Variants in MYO1C observed in about 807,000 individuals in gnomAD.
MYO1C encodes unconventional myosin-Ic.
In MYO1C, 104 loss-of-function variants were observed where a neutral mutation model predicts 150.8. The ratio of observed to expected loss-of-function variants is 0.69; its 90% CI spans 0.59 to 0.81. MYO1C has a LOEUF of 0.81. MYO1C is among the 30% of genes least tolerant of loss of function. MYO1C has a pLI of 0.00. For missense variants in MYO1C, 1,504 were observed against 1,435.0 expected (o/e 1.05, Z -0.78); for synonymous variants, 663 against 579.9 (o/e 1.14, Z -2.06).
intron 14 of MYO1C, chr17:1,477,268 C>A: frequency 2.0e-6 from 1 of 510,102 alleles, no homozygotes; most frequent in Non-Finnish European, 3.6e-6. Context: ...AACCTCAAAA[C>A]TCCAGGGCTC....
intron 1 of MYO1C, 156 bp from the exon 2 acceptor site, chr17:1,484,459 GAGGGCCTGGGTGT>G: frequency 2.2e-6 from 1 of 450,370 alleles, no homozygotes; most frequent in Non-Finnish European, 3.6e-6. Flanking sequence ...CCTGGGTGCT[GAGGGCCTGGGTGT>G]GGTGGGCCGG....
intron 31 of MYO1C, among the ~76,000 whole-genome samples, chr17:1,466,720 G>A (rs1427806556): frequency 6.6e-6 from 1 of 151,628 alleles, no homozygotes; most frequent in Non-Finnish European, 1.5e-5. Flanking sequence ...CCACCTCCTG[G>A]GTTCAAGCAA....
Position 1,479,544 on chromosome 17 carries a change from G to GCC in MYO1C, c.1021-44_1021-43dup. 2 of 1,175,170 alleles carry GCC rather than the reference G, an allele frequency of 1.7e-6. No individual in the cohort carries two copies. Among genetic ancestry groups the GCC allele is most frequent in the Non-Finnish European group, 2.5e-6 (2 of 804,194 alleles). 72.8% of individuals were successfully genotyped at this position (1,175,170 alleles called of 1,614,324 possible). A position where few individuals can be genotyped will look rare whatever the true frequency, so the allele number is the denominator to read the frequency against. The stretch of plus-strand genomic sequence containing the variant: ...AGGACACGGTGAGGGTGCACCCCCA[G>GCC]CCCCCGCCCCCGCCGTCCTCCCGTC... On this transcript the variant is annotated intron_variant, in intron 8 of 31. Coordinates refer to ENST00000648651, the MANE Select transcript of MYO1C (RefSeq NM_001080779.2). The surrounding 1 kb of genome is among the most constrained non-coding windows in gnomAD (Gnocchi z 4.2).
chr17:1,469,662 C>A, intron 24 of MYO1C, 48 bp from the exon 25 acceptor site: 1 of 1,443,472 alleles, frequency 6.9e-7, no homozygotes, highest in Non-Finnish European at 9.6e-7. Flanking sequence ...TGGGCCCTTC[C>A]CTCTGAAGAC....
rs762375797 is a variant in MYO1C, at chr17:1,467,521, G to A, written c.3024C>T (p.Leu1008=). 5 of 1,613,580 alleles carry A rather than the reference G, an allele frequency of 3.1e-6. No homozygotes were observed. Among genetic ancestry groups the A allele is most frequent in the Non-Finnish European group, 4.2e-6 (5 of 1,179,958 alleles). ...TGATGCTGTTCACGCGGTTGGCACT[G>A]AGGGCTGTCTTGGTCAGCGTCTCAA... The part of the protein sequence containing the change: ...HVIETLTKTA[L]SANRVNSINI... The change falls in exon 30 of 32, where the codon CTC becomes CTT. Residue 1008 remains leucine (L), a synonymous_variant. Transcript: ENST00000648651.
At chr17:1,475,743 C>T (rs1050771488) in intron 14 of MYO1C, among the ~76,000 whole-genome samples, 15 of 152,282 alleles carry the variant, frequency 9.9e-5, no homozygotes, top group Admixed American at 4.6e-4. Context: ...ACCAGAGACA[C>T]GGACAAAGAT....
At chr17:1,482,597 TC>T (rs1475558944) in intron 4 of MYO1C, 39 bp from the exon 5 acceptor site, 1 of 1,556,696 alleles carries the variant, frequency 6.4e-7, no homozygotes, top group Non-Finnish European at 8.8e-7. Context: ...CCTGGCACTC[TC>T]CCCCTGCCCT....
rs549141730 is a variant in MYO1C at position 1,478,072 on chromosome 17, C to T, written c.1401+15G>A. On this transcript the variant is annotated intron_variant, in intron 12 of 31. Transcript: ENST00000648651. The surrounding 1 kb of genome is among the most constrained non-coding windows in gnomAD (Gnocchi z 6.3). ...CCCCGTGGCCCACGGAGAGTGCCCC[C>T]AGGCTAGCACACACCGCGATGCCCT... The T allele has an allele frequency of 1.7e-5, 27 of 1,613,802 alleles. No individual in the cohort carries two copies. The highest frequency in any genetic ancestry group is 2.2e-5 in the Non-Finnish European group (26 of 1,179,894).
At chr17:1,465,860 T>A (rs1278659920) in intron 31 of MYO1C, 108 bp from the exon 32 acceptor site, 2 of 780,002 alleles carry the variant, frequency 2.6e-6, no homozygotes, top group Non-Finnish European at 3.6e-6. Flanking sequence ...GAGAATGGGG[T>A]CTCGCTATAT....
At position 1,478,408 on chromosome 17, in the gene MYO1C, A is replaced by C. The variant is rs1006395619; in HGVS notation, c.1295+2T>G. 1.9e-6 allele frequency: 3 copies of C among 1,614,108 alleles called. No individual in the cohort carries two copies. Among genetic ancestry groups the C allele is most frequent in the Non-Finnish European group, 2.5e-6 (3 of 1,180,006 alleles). On this transcript the variant is annotated splice_donor_variant, in intron 11 of 31. Coordinates refer to ENST00000648651, the MANE Select transcript of MYO1C (RefSeq NM_001080779.2). LOFTEE classifies it high-confidence loss of function. The surrounding 1 kb of genome is among the most constrained non-coding windows in gnomAD (Gnocchi z 6.3). ...GAGAGACGGGGGAAAGATGGCACCGACCTGTTATGCTGAAACACTTCAAAG... is the reference window on the plus strand; with the variant it reads ...GAGAGACGGGGGAAAGATGGCACCGCCCTGTTATGCTGAAACACTTCAAAG...
chr17:1,469,801 A>T (rs113632315), intron 24 of MYO1C, among the ~76,000 whole-genome samples, 187 bp from the exon 25 acceptor site: 1,623 of 151,304 alleles, frequency 0.011, 36 homozygotes, highest in African/African-American at 0.038. Context: ...TTGGGAGGCC[A>T]AGGTGGGTGG....
Position 1,484,247 on chromosome 17 carries a change from G to C in MYO1C, c.132C>G (p.Asp44Glu). ...GCACGAAATCCTGCACCCCCACCCGGTCACGGGCGGTGAGCGCACTCTCCA... is the reference window on the plus strand; with the variant it reads ...GCACGAAATCCTGCACCCCCACCCGCTCACGGGCGGTGAGCGCACTCTCCA... ...VTMESALTAR[D>E]RVGVQDFVLL... The change falls in exon 2 of 32, where the codon GAC (aspartate) becomes GAG (glutamate). Residue 44 changes from aspartate to glutamate, a missense_variant. Transcript: ENST00000648651. 1 of 1,612,526 alleles carries C rather than the reference G, an allele frequency of 6.2e-7. No homozygotes were observed. Among genetic ancestry groups the C allele is most frequent in the Non-Finnish European group, 8.5e-7 (1 of 1,180,010 alleles).
Position 1,479,555 on chromosome 17 carries a change from CGCCGTCCT to C in MYO1C, c.1020+29_1020+36del. 4.7e-5 allele frequency: 67 copies of C among 1,427,900 alleles called. No individual in the cohort carries two copies. The highest frequency in any genetic ancestry group is 5.9e-5 in the Non-Finnish European group (61 of 1,025,456). The allele number at this position is 1,427,900 out of a possible 1,614,324, so 88.5% of individuals were successfully genotyped here. On this transcript the variant is annotated intron_variant, in intron 8 of 31. Coordinates refer to ENST00000648651, the MANE Select transcript of MYO1C (RefSeq NM_001080779.2). This position sits in a 1 kb window ranked among gnomAD's most constrained non-coding sequence, Gnocchi z 4.2. Reference sequence around the variant, plus strand: ...AGGGTGCACCCCCAGCCCCCGCCCCCGCCGTCCTCCCGTCGCCCTCTGCCCGCCCCACT... The same window carrying C: ...AGGGTGCACCCCCAGCCCCCGCCCCCCCCGTCGCCCTCTGCCCGCCCCACT...
In MYO1C at chr17:1,482,914, C is replaced by CG; in HGVS notation, c.492dup (p.Glu165ArgfsTer30). 6.2e-7 allele frequency: 1 copy of CG among 1,611,246 alleles called. No individual in the cohort carries two copies. Among genetic ancestry groups the CG allele is most frequent in the South Asian group, 1.1e-5 (1 of 90,996 alleles). On this transcript the variant is annotated frameshift_variant, in exon 4 of 32. Coordinates refer to ENST00000648651, the MANE Select transcript of MYO1C (RefSeq NM_001080779.2). LOFTEE classifies it high-confidence loss of function. ...CGGTCCCGCACGGCACCTCCGCGCT[C>CG]GGGGGCTGGGCAGGTCTCTGCATAG... is the stretch of plus-strand genomic sequence containing the variant.
chr17:1,477,262 T>A, intron 14 of MYO1C: 1 of 502,350 alleles, frequency 2.0e-6, no homozygotes, highest in South Asian at 2.2e-5. Flanking sequence ...CACTGCAACC[T>A]CAAAACTCCA....
rs1207580829 is a variant in MYO1C, at chr17:1,480,815, C to T, written c.698G>A (p.Gly233Glu). 1 of 1,614,178 alleles carries T rather than the reference C, an allele frequency of 6.2e-7. No individual in the cohort carries two copies. Among genetic ancestry groups the T allele is most frequent in the Admixed American group, 1.7e-5 (1 of 60,030 alleles). The change falls in exon 6 of 32, where the codon GGG (glycine) becomes GAG (glutamate). Residue 233 changes from glycine (G) to glutamate (E), a missense_variant. By Grantham distance (98) the Gly-to-Glu change is moderately conservative. Transcript: ENST00000648651. The stretch of plus-strand genomic sequence containing the variant: ...GTAGAAGATGTGGAAGTTCCGCTCC[C>T]CATGATTCTGGTGCACCACTCGTGA... Reference protein sequence around the residue: ...EKSRVVHQNHGERNFHIFYQL... With the variant: ...EKSRVVHQNHEERNFHIFYQL...
At position 1,468,001 on chromosome 17, in the gene MYO1C, G is replaced by A. The variant is rs140900113; in HGVS notation, c.2883C>T (p.Tyr961=). The A allele has an allele frequency of 1.7e-5, 28 of 1,612,684 alleles. No individual in the cohort carries two copies. Among genetic ancestry groups the A allele is most frequent in the African/African-American group, 1.6e-4 (12 of 74,492 alleles). ...EDAKVKQRID[Y]ANLTGISVSS... is the part of the protein sequence containing the mutation. ...ACCCTGGCTGACCGGTCAGGTTGGCGTAATCAATCCTCTGCTTGACTTTGG... is the reference window on the plus strand; with the variant it reads ...ACCCTGGCTGACCGGTCAGGTTGGCATAATCAATCCTCTGCTTGACTTTGG... The change falls in exon 28 of 32, where the codon TAC becomes TAT. Residue 961 remains tyrosine (Y), a synonymous_variant. Coordinates refer to ENST00000648651, the MANE Select transcript of MYO1C (RefSeq NM_001080779.2).
At chr17:1,469,185 C>T (rs1243643521) in intron 25 of MYO1C, 6 of 377,112 alleles carry the variant, frequency 1.6e-5, no homozygotes, top group African/African-American at 4.2e-5. Flanking sequence ...GGGGTAAATA[C>T]GGTAGGCGGG....
chr17:1,475,059 G>A (rs922504240), intron 14 of MYO1C, 27 bp from the exon 15 acceptor site: 80 of 1,548,786 alleles, frequency 5.2e-5, no homozygotes, highest in Non-Finnish European at 6.7e-5. Flanking sequence ...GGAAGCTGCA[G>A]ATGGCTGCCG....
Sources: gnomAD v4.1 joint callset for allele counts (sites outside exome capture counted in the v4.1 genomes callset) on GRCh38, gnomAD v4.1.1 for gene constraint, Gnocchi (gnomAD v3.1) non-coding constraint, MANE v1.5 for transcripts, NCBI Gene and HGNC (gene_info 2026-07-23, HGNC 2026-07-21) for gene names.